Variants in CACNA1C observed in about 807,000 individuals in gnomAD.
CACNA1C encodes calcium voltage-gated channel subunit alpha1 C.
In CACNA1C, 30 loss-of-function variants were observed where a neutral mutation model predicts 229.0. The observed-to-expected ratio is 0.13, with a 90% CI of 0.10 to 0.18. The LOEUF is 0.18. CACNA1C is among the 10% of genes least tolerant of loss of function. The probability of loss-of-function intolerance (pLI) is 1.00; values close to 1 mark genes in which losing one functional copy is unlikely to be tolerated. For synonymous variants in CACNA1C, 1,114 were observed against 1,132.5 expected (o/e 0.98, Z 0.33); for missense variants, 1,658 against 2,845.0 (o/e 0.58, Z 9.49).
At chr12:2,455,285 CG>C (rs557382496) in intron 4 of CACNA1C, among the ~76,000 whole-genome samples, 164 of 152,330 alleles carry the variant, frequency 1.1e-3, no homozygotes, top group Middle Eastern at 6.8e-3. Flanking sequence ...CTTGTCTATA[CG>C]GTAGCCACAC....
intron 19 of CACNA1C, among the ~76,000 whole-genome samples, chr12:2,594,640 G>A (rs1055452477): frequency 4.2e-4 from 64 of 152,032 alleles, no homozygotes; most frequent in African/African-American, 1.4e-3. Flanking sequence ...TTGTTTTATA[G>A]TCTATATCTA....
chr12:2,452,575 C>A (rs553470782), intron 4 of CACNA1C, among the ~76,000 whole-genome samples: 26 of 152,318 alleles, frequency 1.7e-4, no homozygotes, highest in African/African-American at 6.0e-4. Flanking sequence ...CAGAGCCCAA[C>A]CCTCAGGGAC....
chr12:2,388,580 G>C (rs12581153), intron 3 of CACNA1C, among the ~76,000 whole-genome samples: 1,876 of 152,352 alleles, frequency 0.012, 19 homozygotes, highest in East Asian at 0.061. Flanking sequence ...GTTCATGTTG[G>C]GTTTGTGGAG....
At chr12:2,045,174 G>T (rs368718869) in intron 1 of CACNA1C, among the ~76,000 whole-genome samples, 2 of 152,300 alleles carry the variant, frequency 1.3e-5, no homozygotes, top group East Asian at 3.9e-4. Flanking sequence ...TCTTAGGACC[G>T]TGTTTTGAAA....
At chr12:2,686,351 T>C in intron 45 of CACNA1C, 82 bp downstream of exon 45, 1 of 1,072,038 alleles carries the variant, frequency 9.3e-7, no homozygotes, top group South Asian at 1.2e-5. Flanking sequence ...TCCTGAAGAC[T>C]TCAGTGGGTC....
Position 2,105,557 on chromosome 12 carries a change from A to G in CACNA1C, c.50-9667A>G, listed in dbSNP as rs960061604. Among the ~76,000 whole-genome samples, 4 of 152,290 alleles carry G rather than the reference A, an allele frequency of 2.6e-5. No homozygotes were observed. The East Asian group carries it at 5.8e-4, about 22-fold the overall frequency. On this transcript the variant is annotated intron_variant, in intron 1 of 46. Coordinates refer to ENST00000399655, the MANE Select transcript of CACNA1C (RefSeq NM_000719.7). ...TCAGATGCGGCATGGCGGCGGGCGCATCGGGAAACCACTGGGCGCCCACCC... is the reference window on the plus strand; with the variant it reads ...TCAGATGCGGCATGGCGGCGGGCGCGTCGGGAAACCACTGGGCGCCCACCC...
intron 34 of CACNA1C, among the ~76,000 whole-genome samples, chr12:2,659,533 A>G (rs1260028124): frequency 6.6e-6 from 1 of 152,234 alleles, no homozygotes; most frequent in African/African-American, 2.4e-5. Context: ...CTTAGAAATG[A>G]GGGCCAGGGC....
chr12:2,501,236 T>TAAAAAAAAAAAAAAAAAAAAAAAA (rs2099759477), intron 7 of CACNA1C, among the ~76,000 whole-genome samples: 1 of 87,858 alleles, frequency 1.1e-5, no homozygotes, highest in African/African-American at 5.3e-5. Flanking sequence ...AAAAAAAAAG[T>TAAAAAAAAAAAAAAAAAAAAAAAA]AAAGCAATAC....
intron 3 of CACNA1C, among the ~76,000 whole-genome samples, chr12:2,351,381 G>A (rs73605790): frequency 0.011 from 1,697 of 152,324 alleles, 27 homozygotes; most frequent in African/African-American, 0.038. Flanking sequence ...GCCATTGGCT[G>A]AAGCAAAACC....
chr12:2,390,531 T>C (rs1364911071), intron 3 of CACNA1C, among the ~76,000 whole-genome samples: 1 of 152,178 alleles, frequency 6.6e-6, no homozygotes, highest in African/African-American at 2.4e-5. Flanking sequence ...TAATTCTGTG[T>C]GATAAGTTTT....
chr12:1,980,345 CT>C (rs2035752328), intron 1 of CACNA1C, among the ~76,000 whole-genome samples: 1 of 152,158 alleles, frequency 6.6e-6, no homozygotes. Flanking sequence ...TGTTAAGAAT[CT>C]TTTCATGTGA....
intron 1 of CACNA1C, chr12:2,011,019 C>T: frequency 6.6e-6 from 1 of 151,952 alleles, no homozygotes; most frequent in Non-Finnish European, 1.5e-5. Context: ...GGCGTGGTGG[C>T]AGGCGTCTGT....
intron 3 of CACNA1C, among the ~76,000 whole-genome samples, chr12:2,278,707 T>C (rs984035422): frequency 3.9e-5 from 6 of 152,252 alleles, no homozygotes; most frequent in African/African-American, 1.4e-4. Flanking sequence ...GTATAAGGCT[T>C]CGTACGGATG....
chr12:2,246,798 T>C (rs2073478402), intron 3 of CACNA1C, among the ~76,000 whole-genome samples: 1 of 152,172 alleles, frequency 6.6e-6, no homozygotes, highest in African/African-American at 2.4e-5. Context: ...TGCTGGCACA[T>C]TGGCCAAGGT....
chr12:2,292,926 G>T (rs11615645), intron 3 of CACNA1C, among the ~76,000 whole-genome samples: 7,053 of 151,536 alleles, frequency 0.047, 197 homozygotes, highest in Middle Eastern at 0.068. Context: ...CCGTAATTGC[G>T]TCCTTTCTTT....
At chr12:2,339,814 G>A (rs1006438678) in intron 3 of CACNA1C, among the ~76,000 whole-genome samples, 3 of 152,018 alleles carry the variant, frequency 2.0e-5, no homozygotes, top group Non-Finnish European at 4.4e-5. Flanking sequence ...CGTGACTGTC[G>A]TACATAGTCA....
chr12:2,401,764 A>G (rs1004562991), intron 3 of CACNA1C, among the ~76,000 whole-genome samples: 3 of 152,256 alleles, frequency 2.0e-5, no homozygotes, highest in African/African-American at 7.2e-5. Flanking sequence ...GCAAGTATTA[A>G]CTGATTACGT....
chr12:1,989,890 T>C (rs2038913321), intron 1 of CACNA1C, among the ~76,000 whole-genome samples: 1 of 152,252 alleles, frequency 6.6e-6, no homozygotes, highest in South Asian at 2.1e-4. Context: ...ATTCAGCTTT[T>C]TGTTAAATTA....
intron 3 of CACNA1C, among the ~76,000 whole-genome samples, chr12:2,325,964 C>T (rs2096271402): frequency 6.6e-6 from 1 of 152,240 alleles, no homozygotes; most frequent in Non-Finnish European, 1.5e-5. Context: ...TCATTCCACT[C>T]ACGGCAAACA....
Sources: allele counts gnomAD v4.1 joint callset (sites outside exome capture counted in the v4.1 genomes callset), GRCh38; gene constraint gnomAD v4.1.1; transcripts MANE v1.5; gene names NCBI Gene and HGNC (gene_info 2026-07-23, HGNC 2026-07-21).